Variants in GC observed in about 807,000 individuals in gnomAD.
GC encodes GC vitamin D binding protein, also known as vitamin D-binding protein.
In GC, 43 loss-of-function variants were observed where a neutral mutation model predicts 56.7. The observed-to-expected ratio is 0.76, with a 90% confidence interval of 0.59 to 0.98. GC has a LOEUF of 0.98. Among genes scored for constraint, GC ranks in the 50% least tolerant of loss-of-function variants. The pLI is 0.00. For synonymous variants in GC, 216 were observed against 202.7 expected (o/e 1.07, Z -0.56); for missense variants, 529 against 545.9 (o/e 0.97, Z 0.31).
In GC at chr4:71,746,595, T is replaced by G. The variant is rs528822315; in HGVS notation, c.1396-390A>C. ...AATGATTCAGCCACGGCAAGCCTGA[T>G]GAGAAATAGGGCAAGCGGGTGGAGT... is the stretch of plus-strand genomic sequence containing the variant. On this transcript the variant is annotated intron_variant, in intron 11 of 12. Coordinates refer to ENST00000273951, the MANE Select transcript of GC (RefSeq NM_000583.4). Among the ~76,000 whole-genome samples, 11 of 151,804 alleles carry G rather than the reference T, an allele frequency of 7.2e-5. No individual in the cohort carries two copies. The South Asian group carries it at 2.3e-3, about 32-fold the overall frequency.
chr4:71,788,597 A>G (rs1273763246), upstream of GC, among the ~76,000 whole-genome samples: 1 of 151,618 alleles, frequency 6.6e-6, no homozygotes, highest in Non-Finnish European at 1.5e-5. Context: ...TTTAAGAGAA[A>G]TGATGGTTCA....
chr4:71,794,898 C>T (rs768225520), intron 1 of GC, among the ~76,000 whole-genome samples: 1 of 152,054 alleles, frequency 6.6e-6, no homozygotes, highest in Non-Finnish European at 1.5e-5. Flanking sequence ...TTTATTTCTG[C>T]TTTCATTTCG....
Position 71,756,718 on chromosome 4 carries a change from A to G in GC, c.1028T>C (p.Met343Thr), listed in dbSNP as rs919666369. The stretch of plus-strand genomic sequence containing the variant: ...TCACATCACCTCTACTTACTTATCC[A>G]TGACTTTGGTGTTTCCTGGATCACA... ...DVCDPGNTKV[M>T]DKYTFELSRR... Residue 343 changes from methionine (M) to threonine (T), a missense_variant, in exon 8 of 13, where the codon ATG becomes ACG. Physicochemically the swap from Met to Thr is moderately conservative, Grantham distance 81. Coordinates refer to ENST00000273951, the MANE Select transcript of GC (RefSeq NM_000583.4). The G allele has an allele frequency of 6.2e-7, 1 of 1,609,586 alleles. No homozygotes were observed. The highest frequency in any genetic ancestry group is 1.7e-5 in the Admixed American group (1 of 59,984).
At chr4:71,771,898 T>A (rs1373599975) in intron 1 of GC, among the ~76,000 whole-genome samples, 1 of 152,136 alleles carries the variant, frequency 6.6e-6, no homozygotes, top group Admixed American at 6.6e-5. Flanking sequence ...GTACTTACGA[T>A]GTCAAGAGTT....
chr4:71,743,700 A>G (rs920472783), intron 12 of GC, among the ~76,000 whole-genome samples: 44 of 152,190 alleles, frequency 2.9e-4, no homozygotes, highest in African/African-American at 8.7e-4. Flanking sequence ...CAGACCTATA[A>G]CTTTGTGAAC....
chr4:71,792,494 T>A (rs1742995853), intron 1 of GC, among the ~76,000 whole-genome samples: 1 of 152,226 alleles, frequency 6.6e-6, no homozygotes, highest in Non-Finnish European at 1.5e-5. Flanking sequence ...TTTGCCCACT[T>A]TTTGATGGGG....
chr4:71,795,639 G>A (rs369412266), intron 1 of GC, among the ~76,000 whole-genome samples: 191 of 152,280 alleles, frequency 1.3e-3, no homozygotes, highest in African/African-American at 4.3e-3. Flanking sequence ...TTTAATTGGG[G>A]CATTTAGCCC....
At chr4:71,755,883 C>G (rs1741752911) in intron 8 of GC, among the ~76,000 whole-genome samples, 1 of 152,168 alleles carries the variant, frequency 6.6e-6, no homozygotes, top group Admixed American at 6.5e-5. Context: ...AGTTTCAGTC[C>G]TATGTAACTT....
intron 8 of GC, among the ~76,000 whole-genome samples, chr4:71,755,885 A>G (rs1015236765): frequency 6.6e-6 from 1 of 152,228 alleles, no homozygotes; most frequent in Non-Finnish European, 1.5e-5. Flanking sequence ...TTTCAGTCCT[A>G]TGTAACTTCT....
intron 1 of GC, among the ~76,000 whole-genome samples, chr4:71,780,620 A>C (rs1326801575): frequency 1.3e-5 from 2 of 152,000 alleles, no homozygotes; most frequent in Non-Finnish European, 2.9e-5. Context: ...GCAGCCAAAA[A>C]ACACATGAAA....
At position 71,760,940 on chromosome 4, in the gene GC, G is replaced by A. The variant is rs185118560; in HGVS notation, c.701+2468C>T. On this transcript the variant is annotated intron_variant, in intron 6 of 12. Transcript: ENST00000273951. The stretch of plus-strand genomic sequence containing the variant: ...TTTCTTTGTAAATTGCCCAGTCTCA[G>A]GTATGTCTTTATCAGCAGCATGAAA... 1.4e-3 allele frequency among the ~76,000 whole-genome samples: 208 copies of A among 152,246 alleles called. 5 individuals are homozygous for A. Among genetic ancestry groups the A allele is most frequent in the Non-Finnish European group, 2.3e-3 (157 of 68,026 alleles).
At chr4:71,803,905 T>C in intron 1 of GC, 1 of 1,425,634 alleles carries the variant, frequency 7.0e-7, no homozygotes, top group East Asian at 2.5e-5. Flanking sequence ...CTTGAAATTA[T>C]TTGGAATTAG....
chr4:71,776,528 T>G (rs1245950851), intron 1 of GC, among the ~76,000 whole-genome samples: 1 of 151,824 alleles, frequency 6.6e-6, no homozygotes, highest in Non-Finnish European at 1.5e-5. Flanking sequence ...GAGGAGCTGC[T>G]GGGAAAATAG....
At position 71,752,597 on chromosome 4, in the gene GC, G is replaced by T. The variant is rs752722197; in HGVS notation, c.1316C>A (p.Ala439Glu). ...GTCTGAGTGCTTGTTAACCAGCTTT[G>T]CCAGTTCCGTGGGTGTGGCATCAGG... ...KLPDATPTEL[A>E]KLVNKHSDFA... Residue 439 changes from alanine (A) to glutamate (E), a missense_variant, in exon 11 of 13, where the codon GCA becomes GAA. Physicochemically the swap from Ala to Glu is moderately radical, Grantham distance 107. Coordinates refer to ENST00000273951, the MANE Select transcript of GC (RefSeq NM_000583.4). The T allele has an allele frequency of 6.2e-7, 1 of 1,613,212 alleles. No individual in the cohort carries two copies. Among genetic ancestry groups the T allele is most frequent in the Non-Finnish European group, 8.5e-7 (1 of 1,179,188 alleles).
At chr4:71,764,808 A>G (rs1314970174) in intron 4 of GC, among the ~76,000 whole-genome samples, 1 of 152,080 alleles carries the variant, frequency 6.6e-6, no homozygotes, top group Non-Finnish European at 1.5e-5. Flanking sequence ...GTTTTTGAAT[A>G]TGTATATATT....
chr4:71,790,359 T>G (rs843006), intron 1 of GC, among the ~76,000 whole-genome samples: 105,203 of 151,756 alleles, frequency 0.69, 38,923 homozygotes, highest in South Asian at 0.83. Flanking sequence ...TTTTTACATA[T>G]TTTTACTTTC....
chr4:71,797,390 G>A (rs904470914), intron 1 of GC, among the ~76,000 whole-genome samples: 7 of 152,242 alleles, frequency 4.6e-5, no homozygotes, highest in African/African-American at 1.7e-4. Context: ...TCAAGCCTCA[G>A]CAATGGGGGA....
chr4:71,763,318 A>G lies in GC; in HGVS notation c.701+90T>C, dbSNP rs190385193. The G allele has an allele frequency of 8.6e-4, 516 of 601,064 alleles. 3 individuals are homozygous for G. The highest frequency in any genetic ancestry group is 7.5e-3 in the African/African-American group (395 of 52,998). The allele number at this position is 601,064 out of a possible 1,614,324, so 37.2% of individuals were successfully genotyped here. On this transcript the variant is annotated intron_variant, in intron 6 of 12. Transcript: ENST00000273951. The stretch of plus-strand genomic sequence containing the variant: ...TGAAAAGTCTATTTTATATCTTTCA[A>G]TATAGACAGCTTCTTAAAAAAACCC...
intron 11 of GC, among the ~76,000 whole-genome samples, chr4:71,747,040 A>G (rs1283723001): frequency 6.6e-6 from 1 of 152,138 alleles, no homozygotes; most frequent in Non-Finnish European, 1.5e-5. Flanking sequence ...ATTAGAATTG[A>G]TGGGATTTGG....
Sources: allele counts gnomAD v4.1 joint callset (sites outside exome capture counted in the v4.1 genomes callset), GRCh38; gene constraint gnomAD v4.1.1; transcripts MANE v1.5; gene names NCBI Gene and HGNC (gene_info 2026-07-23, HGNC 2026-07-21).